The following NUP153 variants were observed in gnomAD, a reference collection of about 807,000 sequenced individuals.
NUP153 encodes nucleoporin 153, also known as nuclear pore complex protein Nup153.
A neutral mutation model predicts 134.6 loss-of-function variants in NUP153; 27 were observed. The observed-to-expected ratio is 0.20, with a 90% CI of 0.15 to 0.28. The LOEUF is 0.28. Among genes scored for constraint, NUP153 ranks in the 10% least tolerant of loss-of-function variants. NUP153 has a pLI of 1.00. For synonymous variants in NUP153, 640 were observed against 623.5 expected (o/e 1.03, Z -0.40); for missense variants, 1,821 against 1,731.3 (o/e 1.05, Z -0.92).
Position 17,647,829 on chromosome 6 carries a change from G to C in NUP153, c.1610C>G (p.Ala537Gly). The C allele has an allele frequency of 6.2e-7, 1 of 1,605,614 alleles. No homozygotes were observed. The highest frequency in any genetic ancestry group is 8.5e-7 in the Non-Finnish European group (1 of 1,172,290). ...FSSPIVKSTE[A>G]NVLPPSSIGF... is the part of the protein sequence containing the mutation. ...TACAGATGATGGAGGTAGTACATTT[G>C]CCTCAGTAGATTTTACGATTGGAGA... Residue 537 changes from alanine to glycine, a missense_variant, in exon 13 of 22, where the codon GCA becomes GGA. Ala to Gly is a moderately conservative substitution (Grantham distance 60). Transcript: ENST00000262077.
intron 11 of NUP153, among the ~76,000 whole-genome samples, chr6:17,659,778 C>T (rs968570960): frequency 1.3e-5 from 2 of 151,790 alleles, no homozygotes; most frequent in Non-Finnish European, 2.9e-5. Context: ...GCCGCCAACC[C>T]GTTTCTTAAA....
Position 17,706,133 on chromosome 6 carries a change from G to A in NUP153, c.111+144C>T, listed in dbSNP as rs570393365. ...CCACTTCCCGTCGCCACCCCCAACG[G>A]CCTGAGCTCCCCCGGAGCCTCACTC... On this transcript the variant is annotated intron_variant, in intron 1 of 21. Coordinates refer to ENST00000262077, the MANE Select transcript of NUP153 (RefSeq NM_005124.4). This position sits in a 1 kb window ranked among gnomAD's most constrained non-coding sequence, Gnocchi z 5.9. The A allele has an allele frequency of 1.6e-5, 11 of 670,358 alleles. No homozygotes were observed. Among genetic ancestry groups the A allele is most frequent in the South Asian group, 1.4e-4 (8 of 56,124 alleles). 41.5% of individuals were successfully genotyped at this position (670,358 alleles called of 1,614,324 possible). A position where few individuals can be genotyped will look rare whatever the true frequency, so the allele number is the denominator to read the frequency against.
At chr6:17,636,565 CA>C (rs1765562437) in intron 16 of NUP153, among the ~76,000 whole-genome samples, 1 of 152,108 alleles carries the variant, frequency 6.6e-6, no homozygotes, top group African/African-American at 2.4e-5. Flanking sequence ...TATAATATTA[CA>C]AAACCATCAT....
chr6:17,677,599 T>C (rs891549375), intron 2 of NUP153, among the ~76,000 whole-genome samples: 5 of 152,162 alleles, frequency 3.3e-5, no homozygotes, highest in South Asian at 2.1e-4. Flanking sequence ...GAAGAACTGA[T>C]AGCATTCCCA....
At chr6:17,676,872 G>C (rs78425522) in intron 2 of NUP153, among the ~76,000 whole-genome samples, 1,892 of 152,292 alleles carry the variant, frequency 0.012, 12 homozygotes, top group Non-Finnish European at 0.02. Flanking sequence ...GGAGTGTCCA[G>C]TGAGCAGAGA....
chr6:17,670,370 T>C (rs1354330345), intron 5 of NUP153, among the ~76,000 whole-genome samples: 1 of 152,206 alleles, frequency 6.6e-6, no homozygotes, highest in Non-Finnish European at 1.5e-5. Context: ...CAACAGACTT[T>C]TGTATATTGA....
intron 1 of NUP153, among the ~76,000 whole-genome samples, chr6:17,702,363 C>T (rs1298441246): frequency 1.3e-5 from 2 of 152,070 alleles, no homozygotes; most frequent in Admixed American, 6.6e-5. Flanking sequence ...AAAAATTAGC[C>T]GGACGTGGTG....
At chr6:17,701,200 G>A (rs1171421403) in intron 1 of NUP153, among the ~76,000 whole-genome samples, 1 of 151,208 alleles carries the variant, frequency 6.6e-6, no homozygotes, top group Non-Finnish European at 1.5e-5. Flanking sequence ...ACTCCAGCCT[G>A]GGCAACAAGA....
intron 5 of NUP153, among the ~76,000 whole-genome samples, chr6:17,674,334 T>TA (rs1047075896): frequency 6.6e-6 from 1 of 151,982 alleles, no homozygotes; most frequent in Non-Finnish European, 1.5e-5. Context: ...ATACGTCATT[T>TA]AAAAAAAAGA....
Position 17,637,725 on chromosome 6 carries a change from G to T in NUP153, c.1892C>A (p.Ala631Glu), listed in dbSNP as rs201974266. Residue 631 changes from alanine to glutamate, a missense_variant, in exon 16 of 22, where the codon GCA (alanine) becomes GAA (glutamate). By Grantham distance (107) the Ala-to-Glu change is moderately radical (BLOSUM62 -1). Coordinates refer to ENST00000262077, the MANE Select transcript of NUP153 (RefSeq NM_005124.4). Reference sequence around the variant, plus strand: ...TCTTGTATAAACTACTGGGCTTGTTGCGGTGGGCTGAGCAGCAACAGAATC... The same window carrying T: ...TCTTGTATAAACTACTGGGCTTGTTTCGGTGGGCTGAGCAGCAACAGAATC... ...KIDSVAAQPT[A>E]TSPVVYTRPA... 1 of 1,606,142 alleles carries T rather than the reference G, an allele frequency of 6.2e-7. No individual in the cohort carries two copies. The highest frequency in any genetic ancestry group is 8.5e-7 in the Non-Finnish European group (1 of 1,179,946).
chr6:17,660,700 T>C (rs1427301655), intron 11 of NUP153, among the ~76,000 whole-genome samples: 1 of 152,134 alleles, frequency 6.6e-6, no homozygotes, highest in Non-Finnish European at 1.5e-5. Context: ...ATCTATCTAT[T>C]GTCATATGGT....
Position 17,640,040 on chromosome 6 carries a change from C to T in NUP153, c.1745G>A (p.Ser582Asn), listed in dbSNP as rs767859548. Reference protein sequence around the residue: ...SSAHHVTTVNSTNCKKTPPED... With the variant: ...SSAHHVTTVNNTNCKKTPPED... Reference sequence around the variant, plus strand: ...AGGTGGTGTCTTCTTACAATTTGTACTGTTCACTGTAGTGACATGATGAGC... The same window carrying T: ...AGGTGGTGTCTTCTTACAATTTGTATTGTTCACTGTAGTGACATGATGAGC... Residue 582 changes from serine (S) to asparagine (N), a missense_variant, in exon 15 of 22, where the codon AGT (serine) becomes AAT (asparagine). By Grantham distance (46) the Ser-to-Asn change is conservative (BLOSUM62 1). Transcript: ENST00000262077. 13 of 1,605,142 alleles carry T rather than the reference C, an allele frequency of 8.1e-6. No individual in the cohort carries two copies. The highest frequency in any genetic ancestry group is 9.4e-6 in the Non-Finnish European group (11 of 1,176,266).
At chr6:17,641,278 G>A (rs1765823410) in intron 14 of NUP153, among the ~76,000 whole-genome samples, 1 of 152,026 alleles carries the variant, frequency 6.6e-6, no homozygotes, top group Admixed American at 6.6e-5. Context: ...GCCCGTGCCT[G>A]TAATCCCAAG....
rs768258636 is a variant in NUP153 at position 17,661,636 on chromosome 6, T to C, written c.1395+17A>G. On this transcript the variant is annotated intron_variant, in intron 11 of 21. Transcript: ENST00000262077. ...TTTTTAAATAAACCTCAAGAGTATA[T>C]GAGTATACAACCCTACCTCCTCCTC... is the stretch of plus-strand genomic sequence containing the variant. 5 of 1,609,804 alleles carry C rather than the reference T, an allele frequency of 3.1e-6. No individual in the cohort carries two copies. The highest frequency in any genetic ancestry group is 1.7e-5 in the Admixed American group (1 of 59,340).
At position 17,635,104 on chromosome 6, in the gene NUP153, C is replaced by T. The variant is rs77408899; in HGVS notation, c.2464+2049G>A. Among the ~76,000 whole-genome samples the T allele has an allele frequency of 7.1e-3, 745 of 104,290 alleles. 17 individuals carry two copies. The East Asian group carries it at 0.1, about 14-fold the overall frequency. The allele number at this position is 104,290 out of a possible 152,430, so 68.4% of individuals were successfully genotyped here. A position where few individuals can be genotyped will look rare whatever the true frequency, so the allele number is the denominator to read the frequency against. ...CCACAGGTTGCACAGCTTGGCTTAT[C>T]TTTTTTTTTTTTTTTTTTTTTTTGA... On this transcript the variant is annotated intron_variant, in intron 16 of 21. Transcript: ENST00000262077.
At chr6:17,626,902 T>A (rs1021690746) in intron 18 of NUP153, among the ~76,000 whole-genome samples, 1 of 152,210 alleles carries the variant, frequency 6.6e-6, no homozygotes, top group Non-Finnish European at 1.5e-5. Context: ...GTATGCCTTT[T>A]GTGTTCTTTT....
At chr6:17,664,346 T>C (rs1193305070) in intron 9 of NUP153, among the ~76,000 whole-genome samples, 2 of 152,132 alleles carry the variant, frequency 1.3e-5, no homozygotes, top group Non-Finnish European at 2.9e-5. Context: ...AACCACTGAA[T>C]TGAAAACTTT....
intron 9 of NUP153, among the ~76,000 whole-genome samples, chr6:17,664,984 C>A (rs1244706538): frequency 7.3e-6 from 1 of 136,548 alleles, no homozygotes; most frequent in South Asian, 2.4e-4. Flanking sequence ...ACCCGGGAGG[C>A]AGAGGTTGCA....
Position 17,649,420 on chromosome 6 carries a change from G to T in NUP153, c.1396-120C>A, listed in dbSNP as rs74323776. ...GTACCATGTAGTGTTAACATTATGG[G>T]TTCTTCAATCAGAAAAACTGAACAT... On this transcript the variant is annotated intron_variant, in intron 11 of 21. Coordinates refer to ENST00000262077, the MANE Select transcript of NUP153 (RefSeq NM_005124.4). 5.0e-3 allele frequency: 4,172 copies of T among 840,496 alleles called. 155 individuals carry two copies. The East Asian group carries it at 0.088, about 18-fold the overall frequency. The allele number at this position is 840,496 out of a possible 1,614,324, so 52.1% of individuals were successfully genotyped here. A position where few individuals can be genotyped will look rare whatever the true frequency, so the allele number is the denominator to read the frequency against.
Sources: allele counts gnomAD v4.1 joint callset (sites outside exome capture counted in the v4.1 genomes callset), GRCh38; gene constraint gnomAD v4.1.1; non-coding constraint Gnocchi (gnomAD v3.1); transcripts MANE v1.5; gene names NCBI Gene and HGNC (gene_info 2026-07-23, HGNC 2026-07-21).